The following CYP4Z1 variants were observed in gnomAD, a reference collection of about 807,000 sequenced individuals.
The protein encoded by CYP4Z1 is cytochrome P450 4Z1.
In CYP4Z1, 41 loss-of-function variants were observed where a neutral mutation model predicts 54.2. That is an observed-to-expected ratio of 0.76 (90% CI 0.59 to 0.98). The LOEUF (loss-of-function observed/expected upper bound fraction) is 0.98. Ranked by LOEUF, CYP4Z1 falls within the 50% of genes least tolerant of loss-of-function variation. The pLI is 0.00. For synonymous variants in CYP4Z1, 163 were observed against 206.2 expected, an observed-to-expected ratio of 0.79 and a Z score of 1.79; for missense variants, 513 against 599.0, an observed-to-expected ratio of 0.86 and a Z score of 1.50.
At chr1:47,066,667 T>C (rs547486003), upstream of CYP4Z1, among the ~76,000 whole-genome samples, 1 of 152,170 alleles carries the variant, frequency 6.6e-6, no homozygotes, top group South Asian at 2.1e-4. Flanking sequence ...GCCAGAGCAA[T>C]CAGACAAAAG....
At chr1:47,065,602 T>G (rs1644445615), upstream of CYP4Z1, among the ~76,000 whole-genome samples, 2 of 151,568 alleles carry the variant, frequency 1.3e-5, no homozygotes, top group African/African-American at 2.4e-5. Flanking sequence ...AAATAGACAA[T>G]CTAAGGTCAC....
At chr1:47,085,746 A>T (rs537869632) in intron 6 of CYP4Z1, among the ~76,000 whole-genome samples, 1 of 151,552 alleles carries the variant, frequency 6.6e-6, no homozygotes, top group East Asian at 1.9e-4. Flanking sequence ...CACAACGTGC[A>T]GGTTTGTTAC....
chr1:47,115,428 C>T (rs1393594531), intron 9 of CYP4Z1, 101 bp from the exon 10 acceptor site: 26 of 1,106,494 alleles, frequency 2.3e-5, no homozygotes, highest in Non-Finnish European at 3.4e-5. Flanking sequence ...CATATGTACC[C>T]TAAAACTTAA....
chr1:47,107,715 G>C lies in CYP4Z1; in HGVS notation c.1201+1454G>C, dbSNP rs149615546. Among the ~76,000 whole-genome samples the C allele has an allele frequency of 4.1e-3, 624 of 151,690 alleles. 3 individuals carry two copies. Among genetic ancestry groups the C allele is most frequent in the African/African-American group, 0.014 (584 of 41,290 alleles). ...AATTATTTTCTCTACTTCCATTCTA[G>C]ATCACCTAAGCCCTGTAATCCACAG... On this transcript the variant is annotated intron_variant, in intron 9 of 11. Transcript: ENST00000334194.
chr1:47,086,037 G>A (rs1055126368), intron 6 of CYP4Z1, among the ~76,000 whole-genome samples: 11 of 151,958 alleles, frequency 7.2e-5, no homozygotes, highest in Admixed American at 2.0e-4. Flanking sequence ...CCTTTTTTAT[G>A]GCTGCATAGT....
Position 47,099,272 on chromosome 1 carries a change from C to T in CYP4Z1, c.1055C>T (p.Ser352Phe). 2 of 1,605,712 alleles carry T rather than the reference C, an allele frequency of 1.2e-6. No individual in the cohort carries two copies. Residue 352 changes from serine (S) to phenylalanine (F), a missense_variant, in exon 8 of 12, where the codon TCT becomes TTT. By Grantham distance (155) the Ser-to-Phe change is radical (BLOSUM62 -2). Coordinates refer to ENST00000334194, the MANE Select transcript of CYP4Z1 (RefSeq NM_178134.3). ...DEIRELLGDG[S>F]SITWEHLSQM... ...ATCAGGGAACTCCTAGGGGATGGGTCTTCTATTACCTGGTAAGACCTGTAT... is the reference window on the plus strand; with the variant it reads ...ATCAGGGAACTCCTAGGGGATGGGTTTTCTATTACCTGGTAAGACCTGTAT...
chr1:47,107,366 G>C (rs1424998951), intron 9 of CYP4Z1, among the ~76,000 whole-genome samples: 1 of 151,864 alleles, frequency 6.6e-6, no homozygotes, highest in African/African-American at 2.4e-5. Flanking sequence ...AACAACTTAA[G>C]CTTTCTCTGG....
At chr1:47,058,208 G>A in the CYP4Z1 span, among the ~76,000 whole-genome samples, 2 of 151,690 alleles carry the variant, frequency 1.3e-5, no homozygotes, top group Non-Finnish European at 1.5e-5. Context: ...AAATATTTTG[G>A]CTTCTACTAC....
At chr1:47,098,477 T>C (rs979937156) in intron 7 of CYP4Z1, among the ~76,000 whole-genome samples, 4 of 152,224 alleles carry the variant, frequency 2.6e-5, no homozygotes, top group African/African-American at 9.6e-5. Flanking sequence ...AAATAGACAC[T>C]AAAGAAAACT....
chr1:47,107,682 C>T lies in CYP4Z1; in HGVS notation c.1201+1421C>T, dbSNP rs72892699. On this transcript the variant is annotated intron_variant, in intron 9 of 11. Transcript: ENST00000334194. Reference sequence around the variant, plus strand: ...ATGATGATTTATTGCTGCCTTCCAACACAAGAAAATTATTTTCTCTACTTC... The same window carrying T: ...ATGATGATTTATTGCTGCCTTCCAATACAAGAAAATTATTTTCTCTACTTC... 9.8e-3 allele frequency among the ~76,000 whole-genome samples: 1,494 copies of T among 152,102 alleles called. 17 individuals are homozygous for T. Among genetic ancestry groups the T allele is most frequent in the East Asian group, 0.046 (236 of 5,168 alleles).
In CYP4Z1 at chr1:47,068,605, G is replaced by A. The variant is rs1476729567; in HGVS notation, c.178-17G>A. On this transcript the variant is annotated splice_polypyrimidine_tract_variant and intron_variant, in intron 1 of 11. Coordinates refer to ENST00000334194, the MANE Select transcript of CYP4Z1 (RefSeq NM_178134.3). ...GTGACAACCTTTACTAACCAGTCAT[G>A]ACTTATCTTATGACAGTTTTACCCA... The A allele has an allele frequency of 2.3e-5, 37 of 1,613,284 alleles. No individual in the cohort carries two copies. Among genetic ancestry groups the A allele is most frequent in the Non-Finnish European group, 2.9e-5 (34 of 1,179,602 alleles).
At chr1:47,089,047 A>G (rs1392037049) in intron 6 of CYP4Z1, among the ~76,000 whole-genome samples, 3 of 149,704 alleles carry the variant, frequency 2.0e-5, no homozygotes, top group Admixed American at 6.6e-5. Context: ...TTGGATTTCA[A>G]CATGCCGTGT....
At chr1:47,103,683 C>T (rs1201564074) in intron 8 of CYP4Z1, among the ~76,000 whole-genome samples, 3 of 149,932 alleles carry the variant, frequency 2.0e-5, no homozygotes, top group African/African-American at 7.4e-5. Flanking sequence ...CATTCTCCAC[C>T]TCCCGGGTTC....
chr1:47,079,278 C>A (rs1302693840), intron 2 of CYP4Z1, among the ~76,000 whole-genome samples: 2 of 152,158 alleles, frequency 1.3e-5, no homozygotes, highest in African/African-American at 2.4e-5. Context: ...TGCCACCAAT[C>A]TTTTCTATCC....
At position 47,099,259 on chromosome 1, in the gene CYP4Z1, C is replaced by A. The variant is rs769215859; in HGVS notation, c.1042C>A (p.Leu348Ile). Residue 348 changes from leucine (L) to isoleucine (I), a missense_variant, in exon 8 of 12, where the codon CTA (leucine) becomes ATA (isoleucine). Physicochemically the swap from Leu to Ile is conservative, Grantham distance 5. Coordinates refer to ENST00000334194, the MANE Select transcript of CYP4Z1 (RefSeq NM_178134.3). ...ATGCCGAGATGAAATCAGGGAACTCCTAGGGGATGGGTCTTCTATTACCTG... is the reference window on the plus strand; with the variant it reads ...ATGCCGAGATGAAATCAGGGAACTCATAGGGGATGGGTCTTCTATTACCTG... The part of the protein sequence containing the change: ...QRCRDEIREL[L>I]GDGSSITWEH... The A allele has an allele frequency of 6.2e-7, 1 of 1,612,040 alleles. No individual in the cohort carries two copies. Among genetic ancestry groups the A allele is most frequent in the South Asian group, 1.1e-5 (1 of 90,572 alleles).
At chr1:47,117,676 C>A in intron 11 of CYP4Z1, 90 bp from the exon 12 acceptor site, 1 of 1,385,138 alleles carries the variant, frequency 7.2e-7, no homozygotes, top group South Asian at 1.8e-5. Flanking sequence ...TGTTTCCCTA[C>A]AAAAGTCGTC....
chr1:47,064,802 G>C (rs1160308566), upstream of CYP4Z1, among the ~76,000 whole-genome samples: 1 of 152,030 alleles, frequency 6.6e-6, no homozygotes, highest in African/African-American at 2.4e-5. Flanking sequence ...GTCTTCAGGA[G>C]ACTCACCTAA....
the CYP4Z1 span, among the ~76,000 whole-genome samples, chr1:47,060,826 C>A: frequency 6.6e-6 from 1 of 152,162 alleles, no homozygotes; most frequent in Admixed American, 6.6e-5. Context: ...TCAGCAAATG[C>A]AAAAGAACCA....
intron 6 of CYP4Z1, among the ~76,000 whole-genome samples, chr1:47,092,599 T>C (rs1370868111): frequency 6.6e-6 from 1 of 152,026 alleles, no homozygotes. Context: ...GGGGTTGCAA[T>C]TAGGGGTCTT....
Sources: gnomAD v4.1 joint callset for allele counts (sites outside exome capture counted in the v4.1 genomes callset) on GRCh38, gnomAD v4.1.1 for gene constraint, MANE v1.5 for transcripts, NCBI Gene and HGNC (gene_info 2026-07-23, HGNC 2026-07-21) for gene names.